The following EFR3B variants were observed in gnomAD, a reference collection of about 807,000 sequenced individuals.
EFR3B encodes the protein protein EFR3 homolog B.
In EFR3B, 64 loss-of-function variants were observed where a neutral mutation model predicts 104.7. The ratio of observed to expected loss-of-function variants is 0.61; its 90% CI spans 0.50 to 0.75. The LOEUF (loss-of-function observed/expected upper bound fraction) is 0.75, where lower values mean the gene tolerates loss of function less well. Ranked by LOEUF, EFR3B falls within the 30% of genes least tolerant of loss-of-function variation. The pLI is 0.00. For missense variants in EFR3B, 750 were observed against 1,078.5 expected, an observed-to-expected ratio of 0.70 and a Z score of 4.27; for synonymous variants, 385 against 417.9, an observed-to-expected ratio of 0.92 and a Z score of 0.96.
chr2:25,127,473 AGTG>A (rs1670200174), intron 5 of EFR3B, among the ~76,000 whole-genome samples: 2 of 152,210 alleles, frequency 1.3e-5, no homozygotes, highest in African/African-American at 2.4e-5. Context: ...TAACAGTGGT[AGTG>A]GTGGTGGTAG....
In EFR3B at chr2:25,084,431, G is replaced by T. The variant is rs181865067; in HGVS notation, c.8-6894G>T. Among the ~76,000 whole-genome samples the T allele has an allele frequency of 7.5e-3, 1,143 of 152,166 alleles. 19 individuals are homozygous for T. The highest frequency in any genetic ancestry group is 0.028 in the Admixed American group (435 of 15,284). On this transcript the variant is annotated intron_variant, in intron 1 of 22. Coordinates refer to ENST00000403714, the MANE Select transcript of EFR3B (RefSeq NM_014971.2). The stretch of plus-strand genomic sequence containing the variant: ...TTTTTGTATTTTTAGTAGAGAAGGG[G>T]TTTCACCATGTTGGCCAGGCTGGTC...
intron 1 of EFR3B, among the ~76,000 whole-genome samples, chr2:25,060,639 G>A (rs1218770255): frequency 2.0e-5 from 3 of 151,716 alleles, no homozygotes; most frequent in Admixed American, 6.6e-5. Context: ...AGCCACTGTC[G>A]GCCGGGCGCG....
At chr2:25,116,087 G>A (rs559230159) in intron 4 of EFR3B, 3 of 152,360 alleles carry the variant, frequency 2.0e-5, no homozygotes, top group East Asian at 3.9e-4. Flanking sequence ...TAAGAATGGC[G>A]TGCTGTTTTT....
chr2:25,092,473 A>G (rs931359665), intron 2 of EFR3B, among the ~76,000 whole-genome samples: 1 of 152,000 alleles, frequency 6.6e-6, no homozygotes, highest in African/African-American at 2.4e-5. Context: ...ATACACACAT[A>G]CATGTATACA....
intron 16 of EFR3B, among the ~76,000 whole-genome samples, chr2:25,140,116 C>T (rs1371187074): frequency 6.6e-6 from 1 of 152,098 alleles, no homozygotes; most frequent in Non-Finnish European, 1.5e-5. Flanking sequence ...AGTTCGAGAC[C>T]AGCCTGGGCA....
intron 19 of EFR3B, among the ~76,000 whole-genome samples, chr2:25,148,847 G>A (rs1372380817): frequency 7.1e-6 from 1 of 141,576 alleles, no homozygotes; most frequent in South Asian, 2.3e-4. Context: ...GCGTGAACCC[G>A]GGAGGCGGAG....
At chr2:25,113,040 A>G (rs1392015892) in intron 4 of EFR3B, among the ~76,000 whole-genome samples, 1 of 152,076 alleles carries the variant, frequency 6.6e-6, no homozygotes, top group East Asian at 1.9e-4. Flanking sequence ...TTTGCCTCCT[A>G]GCTGCCTATA....
intron 4 of EFR3B, among the ~76,000 whole-genome samples, chr2:25,110,355 C>A (rs1669691405): frequency 6.6e-6 from 1 of 152,174 alleles, no homozygotes; most frequent in Admixed American, 6.5e-5. Flanking sequence ...TTTACCTGGG[C>A]TTTCAGGCAG....
At chr2:25,097,936 A>C (rs375479156) in intron 3 of EFR3B, among the ~76,000 whole-genome samples, 1 of 152,138 alleles carries the variant, frequency 6.6e-6, no homozygotes, top group Non-Finnish European at 1.5e-5. Flanking sequence ...AGCCAGGACC[A>C]AGCCCTGGCG....
intron 2 of EFR3B, 101 bp from the exon 3 acceptor site, chr2:25,092,902 C>T: frequency 7.1e-7 from 1 of 1,417,346 alleles, no homozygotes; most frequent in Non-Finnish European, 9.4e-7. Context: ...ATAAAGGACA[C>T]TCTGTAAATG....
At chr2:25,082,828 A>G (rs1365582171) in intron 1 of EFR3B, among the ~76,000 whole-genome samples, 1 of 152,192 alleles carries the variant, frequency 6.6e-6, no homozygotes, top group African/African-American at 2.4e-5. Flanking sequence ...GGTAAAAAGC[A>G]CTATGAAAAG....
At chr2:25,073,314 A>G (rs1033239437) in intron 1 of EFR3B, among the ~76,000 whole-genome samples, 9 of 151,462 alleles carry the variant, frequency 5.9e-5, no homozygotes, top group African/African-American at 1.9e-4. Context: ...TGCTCTCTCT[A>G]TGCTATAAAA....
chr2:25,149,667 T>G (rs1670947786), intron 19 of EFR3B, 27 bp from the exon 20 acceptor site: 1 of 1,550,868 alleles, frequency 6.4e-7, no homozygotes, highest in African/African-American at 1.4e-5. Context: ...CCTGCCTTTC[T>G]GAGCATCTCT....
At chr2:25,133,934 C>A (rs1269730645) in intron 12 of EFR3B, among the ~76,000 whole-genome samples, 1 of 152,200 alleles carries the variant, frequency 6.6e-6, no homozygotes, top group Non-Finnish European at 1.5e-5. Flanking sequence ...AAACACCATT[C>A]CGATGACAGT....
rs1670464569 is a variant in EFR3B, at chr2:25,134,374, T to C, written c.1311+940T>C. 3.3e-5 allele frequency among the ~76,000 whole-genome samples: 5 copies of C among 152,300 alleles called. No individual in the cohort carries two copies. In the South Asian group the frequency reaches 8.3e-4, roughly 25 times the overall value. On this transcript the variant is annotated intron_variant, in intron 12 of 22. Transcript: ENST00000403714. ...TAGTAGAGACGGTGTTTCACCATGT[T>C]GGCCAGGCTGGTCTTGAACTCCTGA... is the stretch of plus-strand genomic sequence containing the variant.
chr2:25,060,006 G>A (rs377742017), intron 1 of EFR3B, among the ~76,000 whole-genome samples: 54 of 151,680 alleles, frequency 3.6e-4, no homozygotes, highest in Non-Finnish European at 6.5e-4. Context: ...AGACCAGCCC[G>A]GCCAACATGG....
chr2:25,138,825 G>A (rs533738752), intron 15 of EFR3B, among the ~76,000 whole-genome samples: 3 of 152,310 alleles, frequency 2.0e-5, no homozygotes, highest in African/African-American at 7.2e-5. Flanking sequence ...TGCCTCTGTA[G>A]TCTGTGAGTA....
At chr2:25,116,274 TTCTGAA>T (rs1457317526) in intron 4 of EFR3B, among the ~76,000 whole-genome samples, 6 of 152,194 alleles carry the variant, frequency 3.9e-5, no homozygotes, top group Non-Finnish European at 8.8e-5. Context: ...CAGGGAGCTT[TTCTGAA>T]TCTTCTCTAC....
intron 4 of EFR3B, among the ~76,000 whole-genome samples, chr2:25,111,752 CAA>C (rs1669730691): frequency 1.3e-5 from 2 of 152,118 alleles, no homozygotes; most frequent in Admixed American, 6.5e-5. Flanking sequence ...GGGACAGAGA[CAA>C]AGAGATCTGA....
Sources: allele counts gnomAD v4.1 joint callset (sites outside exome capture counted in the v4.1 genomes callset), GRCh38; gene constraint gnomAD v4.1.1; transcripts MANE v1.5; gene names NCBI Gene and HGNC (gene_info 2026-07-23, HGNC 2026-07-21).